The following SAFB variants were observed in gnomAD, a reference collection of about 807,000 sequenced individuals.
The protein encoded by SAFB is scaffold attachment factor B.
In SAFB, 15 loss-of-function variants were observed where a neutral mutation model predicts 101.6. That is an observed-to-expected ratio of 0.15 (90% CI 0.10 to 0.23). The LOEUF is 0.23. Ranked by LOEUF, SAFB falls within the 10% of genes least tolerant of loss-of-function variation. SAFB has a pLI of 1.00. For synonymous variants in SAFB, 449 were observed against 407.5 expected, an observed-to-expected ratio of 1.10 and a Z score of -1.23; for missense variants, 930 against 1,104.1, an observed-to-expected ratio of 0.84 and a Z score of 2.23.
intron 2 of SAFB, among the ~76,000 whole-genome samples, chr19:5,628,233 C>T (rs1030428136): frequency 2.0e-5 from 3 of 152,034 alleles, no homozygotes; most frequent in East Asian, 1.9e-4. Context: ...CCTGGGCGAC[C>T]GCAAGACTCC....
At chr19:5,645,571 C>T (rs977305288) in intron 5 of SAFB, among the ~76,000 whole-genome samples, 172 bp downstream of exon 5, 4 of 152,198 alleles carry the variant, frequency 2.6e-5, no homozygotes, top group South Asian at 2.1e-4. Context: ...ATATAATGTA[C>T]GCATTGCCAG....
chr19:5,657,924 C>G (rs1599373978), intron 14 of SAFB, among the ~76,000 whole-genome samples: 1 of 152,126 alleles, frequency 6.6e-6, no homozygotes, highest in East Asian at 1.9e-4. Context: ...TGCTCGTCAA[C>G]AAAAAATACC....
At chr19:5,631,861 CAT>C (rs1204966268) in intron 2 of SAFB, among the ~76,000 whole-genome samples, 1 of 152,050 alleles carries the variant, frequency 6.6e-6, no homozygotes, top group Non-Finnish European at 1.5e-5. Context: ...GCCTGGGTGA[CAT>C]AGTGAGACCC....
intron 5 of SAFB, among the ~76,000 whole-genome samples, chr19:5,647,645 T>G (rs748867016): frequency 6.6e-6 from 1 of 152,166 alleles, no homozygotes; most frequent in African/African-American, 2.4e-5. Context: ...GTAGCTTCAT[T>G]GAGTGAAAAA....
intron 4 of SAFB, among the ~76,000 whole-genome samples, chr19:5,644,683 G>A (rs1209936807): frequency 1.3e-5 from 2 of 152,172 alleles, no homozygotes; most frequent in East Asian, 1.9e-4. Context: ...TCAAATTTCA[G>A]GGCTTTAGAG....
At position 5,657,360 on chromosome 19, in the gene SAFB, C is replaced by T; in HGVS notation, c.1862+13C>T. On this transcript the variant is annotated intron_variant, in intron 14 of 20. Coordinates refer to ENST00000588852, the MANE Select transcript of SAFB (RefSeq NM_001201338.2). The stretch of plus-strand genomic sequence containing the variant: ...CAGAGTCCCATAGGTGAGTAGGGAT[C>T]CAGGAACGGTTTGGTGTTTTTCCTA... 1 of 1,547,978 alleles carries T rather than the reference C, an allele frequency of 6.5e-7. No individual in the cohort carries two copies. Among genetic ancestry groups the T allele is most frequent in the Non-Finnish European group, 8.9e-7 (1 of 1,121,282 alleles).
Position 5,667,363 on chromosome 19 carries a change from G to A in SAFB, c.2470G>A (p.Gly824Arg), listed in dbSNP as rs1438276709. 6 of 1,503,054 alleles carry A rather than the reference G, an allele frequency of 4.0e-6. No individual in the cohort carries two copies. Among genetic ancestry groups the A allele is most frequent in the Non-Finnish European group, 4.4e-6 (5 of 1,129,648 alleles). 93.1% of individuals were successfully genotyped at this position (1,503,054 alleles called of 1,614,324 possible). A position where few individuals can be genotyped will look rare whatever the true frequency, so the allele number is the denominator to read the frequency against. The change falls in exon 19 of 21, where the codon GGG becomes AGG. Residue 824 changes from glycine to arginine, a missense_variant. Physicochemically the swap from Gly to Arg is moderately radical, Grantham distance 125. Around this residue, in one of 7 missense-constraint regions of SAFB, gnomAD observed 318 missense variants for 342.6 expected, o/e 0.93. Transcript: ENST00000588852. The surrounding 1 kb of genome is among the most constrained non-coding windows in gnomAD (Gnocchi z 4.0). ...TCTTTCAAGGGGCAGACGTGACTGGGGGGACCATGGCCGAAGAGAGGATGA... is the reference window on the plus strand; with the variant it reads ...TCTTTCAAGGGGCAGACGTGACTGGAGGGACCATGGCCGAAGAGAGGATGA... ...PPPPRGRRDW[G>R]DHGRREDDRS...
At chr19:5,636,903 C>T (rs748602726) in intron 2 of SAFB, among the ~76,000 whole-genome samples, 8 of 151,458 alleles carry the variant, frequency 5.3e-5, no homozygotes, top group Non-Finnish European at 1.2e-4. Context: ...GAGACAGGGT[C>T]TCACCGTGTT....
At chr19:5,653,299 C>T (rs749140113) in intron 10 of SAFB, 35 bp downstream of exon 10, 1 of 1,614,032 alleles carries the variant, frequency 6.2e-7, no homozygotes, top group Non-Finnish European at 8.5e-7. Flanking sequence ...ATATAGCCCA[C>T]ATTAGGAAAT....
chr19:5,661,878 G>A, intron 15 of SAFB, 70 bp downstream of exon 15: 2 of 1,094,846 alleles, frequency 1.8e-6, no homozygotes, highest in Non-Finnish European at 2.5e-6. Context: ...AGTCCAGTTA[G>A]CTTGAGATTT....
At chr19:5,655,771 CT>C (rs1190514950) in intron 13 of SAFB, among the ~76,000 whole-genome samples, 1 of 152,130 alleles carries the variant, frequency 6.6e-6, no homozygotes, top group Non-Finnish European at 1.5e-5. Flanking sequence ...TATAAAACAC[CT>C]TTGGAAAACG....
intron 2 of SAFB, among the ~76,000 whole-genome samples, chr19:5,633,084 G>A (rs904991451): frequency 5.9e-5 from 9 of 152,300 alleles, no homozygotes; most frequent in African/African-American, 1.7e-4. Flanking sequence ...CCTGCTCATC[G>A]TCCATTAGTT....
chr19:5,633,655 T>C (rs1249724785), intron 2 of SAFB, among the ~76,000 whole-genome samples: 5 of 151,974 alleles, frequency 3.3e-5, no homozygotes, highest in Non-Finnish European at 7.4e-5. Flanking sequence ...GGCGGGCGCC[T>C]GTAGTCCCAG....
intron 2 of SAFB, among the ~76,000 whole-genome samples, chr19:5,640,782 G>A (rs2053692185): frequency 6.6e-6 from 1 of 152,018 alleles, no homozygotes; most frequent in African/African-American, 2.4e-5. Flanking sequence ...GTTGAGACAG[G>A]GTTTCGTCAG....
chr19:5,627,327 A>T (rs563460207), intron 2 of SAFB, among the ~76,000 whole-genome samples: 1 of 151,836 alleles, frequency 6.6e-6, no homozygotes, highest in Admixed American at 6.6e-5. Context: ...AAAAGTACCT[A>T]GGCGTCGAGG....
At chr19:5,629,750 A>G (rs775269974) in intron 2 of SAFB, among the ~76,000 whole-genome samples, 1 of 152,252 alleles carries the variant, frequency 6.6e-6, no homozygotes, top group Non-Finnish European at 1.5e-5. Context: ...TTATTTTCAC[A>G]TAGCTAGTTT....
intron 2 of SAFB, among the ~76,000 whole-genome samples, chr19:5,637,539 C>G (rs571777083): frequency 8.6e-5 from 13 of 151,822 alleles, no homozygotes; most frequent in Non-Finnish European, 1.5e-4. Flanking sequence ...GCCTGTAGTT[C>G]CAGCTACTCG....
At chr19:5,627,378 G>A (rs2053389866) in intron 2 of SAFB, among the ~76,000 whole-genome samples, 1 of 152,184 alleles carries the variant, frequency 6.6e-6, no homozygotes, top group Admixed American at 6.5e-5. Context: ...TAAGGCGGGA[G>A]GATCATTTGA....
chr19:5,658,085 C>T (rs2054105177), intron 14 of SAFB, among the ~76,000 whole-genome samples: 1 of 151,708 alleles, frequency 6.6e-6, no homozygotes, highest in African/African-American at 2.4e-5. Context: ...GCAGCCTCCA[C>T]CTCCCCTGTT....
Sources: gnomAD v4.1 joint callset for allele counts (sites outside exome capture counted in the v4.1 genomes callset) on GRCh38, gnomAD v4.1.1 for gene constraint, gnomAD v4.1.1 regional missense constraint, Gnocchi (gnomAD v3.1) non-coding constraint, MANE v1.5 for transcripts, NCBI Gene and HGNC (gene_info 2026-07-23, HGNC 2026-07-21) for gene names.